Variants in STON1 observed in about 807,000 individuals in gnomAD.
The protein encoded by STON1 is stonin-1.
Under a neutral mutation model 60.9 loss-of-function variants are expected in STON1, and 79 were observed. The observed-to-expected ratio is 1.30, with a 90% CI of 1.08 to 1.56. STON1 has a LOEUF of 1.56. STON1 is among the 40% of genes most tolerant of loss of function. The probability of loss-of-function intolerance (pLI) is 0.00; values close to 1 mark genes in which losing one functional copy is unlikely to be tolerated. For synonymous variants in STON1, 363 were observed against 306.9 expected, an observed-to-expected ratio of 1.18 and a Z score of -1.91; for missense variants, 1,166 against 858.9, an observed-to-expected ratio of 1.36 and a Z score of -4.47.
rs751697929 is a variant in STON1 at position 48,580,884 on chromosome 2, C to G, written c.251C>G (p.Pro84Arg). Reference protein sequence around the residue: ...GPPSNSPLSTPTKDFPGFPGI... With the variant: ...GPPSNSPLSTRTKDFPGFPGI... ...CCAAGTAACTCTCCTCTTTCTACAC[C>G]TACCAAAGACTTCCCAGGTTTTCCT... Residue 84 changes from proline (P) to arginine (R), a missense_variant, in exon 2 of 4, where the codon CCT becomes CGT. Physicochemically the swap from Pro to Arg is moderately radical, Grantham distance 103. Transcript: ENST00000404752. 2.5e-6 allele frequency: 4 copies of G among 1,587,852 alleles called. No individual in the cohort carries two copies. The highest frequency in any genetic ancestry group is 2.3e-5 in the East Asian group (1 of 44,318).
chr2:48,539,563 G>A lies in STON1; in HGVS notation c.-48+9347G>A, dbSNP rs566263914. 1.1e-4 allele frequency among the ~76,000 whole-genome samples: 16 copies of A among 152,112 alleles called. No homozygotes were observed. The South Asian group carries it at 3.3e-3, about 32-fold the overall frequency. Reference sequence around the variant, plus strand: ...GTCACCCAGGCTGGAGTGCAGTGGTGTGATCTTGGCTCACTGCAACCTCTG... The same window carrying A: ...GTCACCCAGGCTGGAGTGCAGTGGTATGATCTTGGCTCACTGCAACCTCTG... On this transcript the variant is annotated intron_variant, in intron 1 of 3. Transcript: ENST00000404752.
chr2:48,551,554 A>G (rs1572937480), intron 1 of STON1, among the ~76,000 whole-genome samples: 1 of 152,196 alleles, frequency 6.6e-6, no homozygotes. Flanking sequence ...GATTCTGGGG[A>G]CGGGGCGCTT....
intron 1 of STON1, among the ~76,000 whole-genome samples, chr2:48,551,926 G>A (rs956850020): frequency 1.3e-5 from 2 of 152,180 alleles, no homozygotes; most frequent in African/African-American, 2.4e-5. Context: ...CCGGATTCCT[G>A]GTCAGTCACC....
chr2:48,549,835 AG>A, intron 1 of STON1, among the ~76,000 whole-genome samples: 2 of 139,382 alleles, frequency 1.4e-5, no homozygotes, highest in South Asian at 4.7e-4. Flanking sequence ...AAAAAAAAAG[AG>A]AAAAGAAAAA....
chr2:48,577,582 TA>T (rs70946812), intron 1 of STON1, among the ~76,000 whole-genome samples: 41 of 140,938 alleles, frequency 2.9e-4, no homozygotes, highest in Non-Finnish European at 2.5e-4. Context: ...CTCCGTCTCA[TA>T]AAAAAAAAAA....
intron 2 of STON1, among the ~76,000 whole-genome samples, chr2:48,588,682 T>A (rs567625191): frequency 6.6e-6 from 1 of 152,350 alleles, no homozygotes; most frequent in East Asian, 1.9e-4. Flanking sequence ...TACTATGTTC[T>A]AATTATAAAA....
At chr2:48,560,773 G>T (rs1481084912) in intron 1 of STON1, among the ~76,000 whole-genome samples, 1 of 152,136 alleles carries the variant, frequency 6.6e-6, no homozygotes. Flanking sequence ...TTAAGATCCA[G>T]GCCTCTACCC....
At position 48,545,711 on chromosome 2, in the gene STON1, C is replaced by T. The variant is rs145411636; in HGVS notation, c.-48+15495C>T. Among the ~76,000 whole-genome samples the T allele has an allele frequency of 3.6e-3, 543 of 152,304 alleles. 3 individuals are homozygous for T. The highest frequency in any genetic ancestry group is 0.012 in the African/African-American group (500 of 41,572). On this transcript the variant is annotated intron_variant, in intron 1 of 3. Transcript: ENST00000404752. The stretch of plus-strand genomic sequence containing the variant: ...TTTCTGTTTGTCTTCTGATTTGTTA[C>T]TTTGCTTGGACTTGACTTCTCAGTC...
chr2:48,580,446 T>A (rs1220520115), intron 1 of STON1, 141 bp from the exon 2 acceptor site: 1 of 846,670 alleles, frequency 1.2e-6, no homozygotes, highest in African/African-American at 1.9e-5. Context: ...AGCATACAGT[T>A]GGATCATGTT....
At chr2:48,558,248 C>A (rs976022368) in intron 1 of STON1, among the ~76,000 whole-genome samples, 1 of 152,178 alleles carries the variant, frequency 6.6e-6, no homozygotes, top group African/African-American at 2.4e-5. Flanking sequence ...AGAAAAAAAT[C>A]TTTCTCTATT....
intron 2 of STON1, among the ~76,000 whole-genome samples, chr2:48,587,276 C>G (rs899777649): frequency 6.7e-6 from 1 of 148,898 alleles, no homozygotes; most frequent in African/African-American, 2.5e-5. Flanking sequence ...TTATTGCTCT[C>G]CCATGAGTAT....
intron 1 of STON1, among the ~76,000 whole-genome samples, chr2:48,550,846 CT>C (rs1310120714): frequency 6.6e-6 from 1 of 151,768 alleles, no homozygotes; most frequent in African/African-American, 2.4e-5. Flanking sequence ...CAAGGCATTA[CT>C]TTATCTTTAG....
At chr2:48,570,860 T>G (rs1360169686) in intron 1 of STON1, among the ~76,000 whole-genome samples, 3 of 141,700 alleles carry the variant, frequency 2.1e-5, no homozygotes, top group Admixed American at 2.1e-4. Flanking sequence ...TTTTTTTTTT[T>G]TTTTTTTTTT....
chr2:48,567,772 C>G (rs186602689), intron 1 of STON1, among the ~76,000 whole-genome samples: 292 of 152,272 alleles, frequency 1.9e-3, no homozygotes, highest in African/African-American at 6.5e-3. Flanking sequence ...TGTTAACACA[C>G]TGGCCTGTCC....
At chr2:48,582,904 T>C (rs1268489642) in intron 2 of STON1, among the ~76,000 whole-genome samples, 2 of 152,248 alleles carry the variant, frequency 1.3e-5, no homozygotes, top group Non-Finnish European at 2.9e-5. Context: ...ATTTCTAATA[T>C]AGCTGAGATT....
rs1344938842 is a variant in STON1 at position 48,582,106 on chromosome 2, G to C, written c.1473G>C (p.Val491=). 2 of 1,614,074 alleles carry C rather than the reference G, an allele frequency of 1.2e-6. No homozygotes were observed. Among genetic ancestry groups the C allele is most frequent in the East Asian group, 2.2e-5 (1 of 44,894 alleles). The change falls in exon 2 of 4, where the codon GTG becomes GTC. Residue 491 remains valine (V), a synonymous_variant. Transcript: ENST00000404752. ...TTGACTACCATTTTCATAAGTGTGT[G>C]AATGTACAAGAATTTGAGCAATCAA... The part of the protein sequence containing the change: ...DILDYHFHKC[V]NVQEFEQSRI...
chr2:48,545,417 G>A (rs868382083), intron 1 of STON1, among the ~76,000 whole-genome samples: 9 of 152,114 alleles, frequency 5.9e-5, no homozygotes, highest in African/African-American at 2.2e-4. Context: ...GCAACCACAC[G>A]GGCGCGCACA....
chr2:48,589,463 A>T (rs1674395568), intron 2 of STON1, among the ~76,000 whole-genome samples: 1 of 152,232 alleles, frequency 6.6e-6, no homozygotes, highest in South Asian at 2.1e-4. Context: ...CATGACAGAC[A>T]TTGTGCTAAG....
rs373564433 is a variant in STON1, at chr2:48,594,467, C to G, written c.2134-761C>G. Among the ~76,000 whole-genome samples, 7 of 152,182 alleles carry G rather than the reference C, an allele frequency of 4.6e-5. No homozygotes were observed. The East Asian group carries it at 7.7e-4, about 17-fold the overall frequency. ...TAATTATCTGTTGCCAGATACTGCT[C>G]CACATGCAGGGACACAGCAGTGTGA... On this transcript the variant is annotated intron_variant, in intron 3 of 3. Coordinates refer to ENST00000404752, the MANE Select transcript of STON1 (RefSeq NM_006873.4).
Sources: allele counts gnomAD v4.1 joint callset (sites outside exome capture counted in the v4.1 genomes callset), GRCh38; gene constraint gnomAD v4.1.1; transcripts MANE v1.5; gene names NCBI Gene and HGNC (gene_info 2026-07-23, HGNC 2026-07-21).